The following IMMP2L variants were observed in gnomAD, a reference collection of about 807,000 sequenced individuals.
The protein encoded by IMMP2L is inner mitochondrial membrane peptidase subunit 2, also known as mitochondrial inner membrane protease subunit 2.
IMMP2L carries 18 observed loss-of-function variants against 19.3 expected under a neutral mutation model. The observed-to-expected ratio is 0.93, with a 90% CI of 0.64 to 1.38. The LOEUF (loss-of-function observed/expected upper bound fraction) is 1.38. Among genes scored for constraint, IMMP2L ranks in the 40% most tolerant of loss-of-function variants. The pLI is 0.00. For synonymous variants in IMMP2L, 76 were observed against 73.0 expected, an observed-to-expected ratio of 1.04 and a Z score of -0.21; for missense variants, 233 against 218.2, an observed-to-expected ratio of 1.07 and a Z score of -0.43.
rs557810398 is a variant in IMMP2L, at chr7:110,763,634, C to A, written c.409-99913G>T. 7.6e-4 allele frequency among the ~76,000 whole-genome samples: 116 copies of A among 152,220 alleles called. No homozygotes were observed. The South Asian group carries it at 0.017, about 22-fold the overall frequency. The stretch of plus-strand genomic sequence containing the variant: ...TATAACACTGACAAACCACTTAAAT[C>A]TTTATAAAAACTTCATAATTTGCCT... On this transcript the variant is annotated intron_variant, in intron 5 of 5. Coordinates refer to ENST00000405709, the MANE Select transcript of IMMP2L (RefSeq NM_032549.4).
chr7:110,815,395 A>C (rs946590549), intron 5 of IMMP2L, among the ~76,000 whole-genome samples: 5 of 152,020 alleles, frequency 3.3e-5, no homozygotes, highest in South Asian at 2.1e-4. Context: ...TTTTTGCATC[A>C]ATGTTCATCA....
At chr7:110,987,195 T>G (rs1429553064) in intron 3 of IMMP2L, among the ~76,000 whole-genome samples, 1 of 152,156 alleles carries the variant, frequency 6.6e-6, no homozygotes, top group Non-Finnish European at 1.5e-5. Flanking sequence ...CTGACTGAAT[T>G]AAATAATATA....
intron 3 of IMMP2L, among the ~76,000 whole-genome samples, chr7:111,444,346 T>C (rs969831640): frequency 6.6e-6 from 1 of 152,148 alleles, no homozygotes; most frequent in Non-Finnish European, 1.5e-5. Context: ...CTAAGGCTCT[T>C]TCTAGAGTAA....
intron 4 of IMMP2L, among the ~76,000 whole-genome samples, chr7:110,923,315 A>G (rs952951652): frequency 6.6e-6 from 1 of 152,198 alleles, no homozygotes; most frequent in African/African-American, 2.4e-5. Context: ...TCCGGTAAAA[A>G]GCATTGTTTT....
intron 3 of IMMP2L, among the ~76,000 whole-genome samples, chr7:111,183,999 T>C (rs78495257): frequency 0.057 from 8,734 of 152,102 alleles, 511 homozygotes; most frequent in African/African-American, 0.14. Context: ...AACACCTAGT[T>C]TGCACTGTCG....
chr7:111,318,760 TAA>T (rs1318638518), intron 3 of IMMP2L, among the ~76,000 whole-genome samples: 1 of 152,154 alleles, frequency 6.6e-6, no homozygotes, highest in Non-Finnish European at 1.5e-5. Context: ...TAGATTCTTT[TAA>T]AAATATTTTA....
intron 3 of IMMP2L, among the ~76,000 whole-genome samples, chr7:111,141,260 C>T (rs1320552818): frequency 2.0e-5 from 3 of 151,578 alleles, no homozygotes; most frequent in South Asian, 2.1e-4. Flanking sequence ...AATTTAATTC[C>T]TTTGAAATAA....
chr7:110,704,219 T>G (rs1335461253), intron 5 of IMMP2L, among the ~76,000 whole-genome samples: 1 of 152,186 alleles, frequency 6.6e-6, no homozygotes, highest in Non-Finnish European at 1.5e-5. Context: ...ACTATATTTG[T>G]TAACCATGCA....
intron 5 of IMMP2L, among the ~76,000 whole-genome samples, chr7:110,845,866 C>T (rs1267340377): frequency 6.6e-6 from 1 of 152,044 alleles, no homozygotes; most frequent in Non-Finnish European, 1.5e-5. Context: ...AAAAGAGGTG[C>T]TAGAGAATTT....
intron 3 of IMMP2L, chr7:111,122,682 A>T (rs1253470650): frequency 2.0e-6 from 2 of 996,800 alleles, no homozygotes; most frequent in Non-Finnish European, 3.0e-6. Context: ...AAATGCAAGC[A>T]TCTTCCTTAT....
At chr7:111,239,616 A>G (rs145717476) in intron 3 of IMMP2L, among the ~76,000 whole-genome samples, 2 of 152,090 alleles carry the variant, frequency 1.3e-5, no homozygotes, top group African/African-American at 4.8e-5. Context: ...GATAAGACCA[A>G]TTCTTTGTAA....
intron 5 of IMMP2L, among the ~76,000 whole-genome samples, chr7:110,794,751 A>G (rs1358328893): frequency 1.3e-5 from 2 of 152,074 alleles, no homozygotes; most frequent in African/African-American, 4.8e-5. Flanking sequence ...TATGAGATGA[A>G]GACCCCGTAG....
chr7:110,676,406 C>T (rs1262112947), intron 5 of IMMP2L, among the ~76,000 whole-genome samples: 1 of 152,234 alleles, frequency 6.6e-6, no homozygotes, highest in Admixed American at 6.5e-5. Context: ...GCCTGAGGGC[C>T]ATTGTTCAGC....
chr7:111,415,087 TC>T (rs1834837595), intron 3 of IMMP2L, among the ~76,000 whole-genome samples: 1 of 151,738 alleles, frequency 6.6e-6, no homozygotes, highest in Non-Finnish European at 1.5e-5. Flanking sequence ...ATTCTGGGAG[TC>T]CTTAAAAGGG....
At chr7:110,816,537 C>T (rs191161881) in intron 5 of IMMP2L, among the ~76,000 whole-genome samples, 20,461 of 151,148 alleles carry the variant, frequency 0.14, 1,507 homozygotes, top group South Asian at 0.29. Flanking sequence ...CTTTCTGTCT[C>T]GTTGATCTGT....
In IMMP2L at chr7:110,859,485, G is replaced by A. The variant is rs1339690866; in HGVS notation, c.408+27108C>T. Reference sequence around the variant, plus strand: ...GGGCTGTGTGTGGTGGCTCACGACTGTAATCCCAGATTTTTGGGAGGCCGA... The same window carrying A: ...GGGCTGTGTGTGGTGGCTCACGACTATAATCCCAGATTTTTGGGAGGCCGA... On this transcript the variant is annotated intron_variant, in intron 5 of 5. Transcript: ENST00000405709. Among the ~76,000 whole-genome samples, 3 of 151,854 alleles carry A rather than the reference G, an allele frequency of 2.0e-5. No homozygotes were observed. The East Asian group carries it at 5.8e-4, about 29-fold the overall frequency.
intron 5 of IMMP2L, among the ~76,000 whole-genome samples, chr7:110,783,696 T>C (rs573572239): frequency 2.0e-4 from 31 of 152,054 alleles, no homozygotes; most frequent in Non-Finnish European, 3.5e-4. Context: ...GGAAGAAGTC[T>C]GTCTCAGGTT....
At position 110,740,129 on chromosome 7, in the gene IMMP2L, C is replaced by T. The variant is rs766563379; in HGVS notation, c.409-76408G>A. Among the ~76,000 whole-genome samples, 349 of 152,168 alleles carry T rather than the reference C, an allele frequency of 2.3e-3. 1 individual carries two copies. Among genetic ancestry groups the T allele is most frequent in the Non-Finnish European group, 4.2e-3 (287 of 67,972 alleles). Reference sequence around the variant, plus strand: ...AAAAGTCTGACAGAGCACAAATAGACAATCTAAGGTCACACCTCACAAAAC... The same window carrying T: ...AAAAGTCTGACAGAGCACAAATAGATAATCTAAGGTCACACCTCACAAAAC... On this transcript the variant is annotated intron_variant, in intron 5 of 5. Coordinates refer to ENST00000405709, the MANE Select transcript of IMMP2L (RefSeq NM_032549.4).
chr7:111,497,988 C>T (rs996786683), intron 2 of IMMP2L, among the ~76,000 whole-genome samples: 1 of 151,486 alleles, frequency 6.6e-6, no homozygotes, highest in Non-Finnish European at 1.5e-5. Flanking sequence ...AAGTTTTTTG[C>T]CAATCAATAT....
Sources: allele counts gnomAD v4.1 joint callset (sites outside exome capture counted in the v4.1 genomes callset), GRCh38; gene constraint gnomAD v4.1.1; transcripts MANE v1.5; gene names NCBI Gene and HGNC (gene_info 2026-07-23, HGNC 2026-07-21).